ITPR2: variants seen among roughly 807,000 people sequenced by gnomAD.
ITPR2 encodes inositol 1,4,5-trisphosphate-gated calcium channel ITPR2.
Under a neutral mutation model 317.1 loss-of-function variants are expected in ITPR2, and 207 were observed. The ratio of observed to expected loss-of-function variants is 0.65; its 90% CI spans 0.58 to 0.73. The LOEUF is 0.73. ITPR2 is among the 30% of genes least tolerant of loss of function. The probability of loss-of-function intolerance (pLI) is 0.00; values close to 1 mark genes in which losing one functional copy is unlikely to be tolerated. For synonymous variants in ITPR2, 1,156 were observed against 1,149.1 expected (o/e 1.01, Z -0.12); for missense variants, 2,613 against 3,284.0 (o/e 0.80, Z 4.99).
chr12:26,616,102 A>T (rs1214935400), intron 26 of ITPR2, among the ~76,000 whole-genome samples: 2 of 148,736 alleles, frequency 1.3e-5, no homozygotes, highest in Non-Finnish European at 3.0e-5. Context: ...AATTTTGCCT[A>T]TGCATGTGGA....
chr12:26,766,933 C>T (rs946793879), intron 2 of ITPR2, among the ~76,000 whole-genome samples: 9 of 152,214 alleles, frequency 5.9e-5, no homozygotes, highest in African/African-American at 1.4e-4. Context: ...TTAGCTAGTA[C>T]GATGTATATA....
At chr12:26,468,632 T>C (rs7972506) in intron 45 of ITPR2, among the ~76,000 whole-genome samples, 2,648 of 151,528 alleles carry the variant, frequency 0.017, 43 homozygotes, top group Non-Finnish European at 0.026. Flanking sequence ...GCAGAAATTA[T>C]CATTAACTTT....
chr12:26,497,155 C>CTCTTTTTTTTT (rs756035869), intron 37 of ITPR2, among the ~76,000 whole-genome samples: 2 of 134,410 alleles, frequency 1.5e-5, no homozygotes, highest in African/African-American at 5.7e-5. Context: ...ATTTCTCTCT[C>CTCTTTTTTTTT]TTTTTTTTTT....
intron 1 of ITPR2, among the ~76,000 whole-genome samples, chr12:26,796,981 G>A (rs781688592): frequency 2.0e-5 from 3 of 152,116 alleles, no homozygotes; most frequent in Non-Finnish European, 4.4e-5. Flanking sequence ...AGGTTGCAGT[G>A]AGCTGATATC....
At chr12:26,792,858 T>C (rs1950367153) in intron 1 of ITPR2, among the ~76,000 whole-genome samples, 1 of 152,196 alleles carries the variant, frequency 6.6e-6, no homozygotes, top group Admixed American at 6.5e-5. Flanking sequence ...ATGTGGATAT[T>C]TACCAGGAGT....
At chr12:26,702,751 G>A (rs1015477349) in intron 9 of ITPR2, among the ~76,000 whole-genome samples, 14 of 152,070 alleles carry the variant, frequency 9.2e-5, no homozygotes, top group African/African-American at 2.9e-4. Context: ...AAATTAATCC[G>A]AATCCCTAAA....
chr12:26,679,977 G>GA (rs932802723), intron 13 of ITPR2, among the ~76,000 whole-genome samples: 4 of 151,762 alleles, frequency 2.6e-5, no homozygotes, highest in African/African-American at 7.3e-5. Context: ...TACAGAAATG[G>GA]AAAAAACTAC....
chr12:26,826,417 A>G (rs930047665), intron 1 of ITPR2, among the ~76,000 whole-genome samples: 4 of 152,218 alleles, frequency 2.6e-5, no homozygotes, highest in African/African-American at 9.6e-5. Context: ...ACACAGTCTC[A>G]TTCTTCTAAG....
intron 11 of ITPR2, among the ~76,000 whole-genome samples, chr12:26,685,786 C>T (rs534698938): frequency 4.6e-5 from 7 of 152,184 alleles, no homozygotes; most frequent in African/African-American, 1.7e-4. Flanking sequence ...TTTTTCATTT[C>T]GTGTTCCTGC....
At chr12:26,387,260 T>C (rs1458512465) in intron 55 of ITPR2, among the ~76,000 whole-genome samples, 174 bp downstream of exon 55, 1 of 152,208 alleles carries the variant, frequency 6.6e-6, no homozygotes, top group Non-Finnish European at 1.5e-5. Context: ...AGGAGTCTAC[T>C]GGGAACCAAT....
At chr12:26,361,088 G>A (rs753080275) in intron 55 of ITPR2, among the ~76,000 whole-genome samples, 3 of 151,862 alleles carry the variant, frequency 2.0e-5, no homozygotes, top group Admixed American at 6.6e-5. Flanking sequence ...GGTAGCGAGC[G>A]CCTGTAATCC....
intron 11 of ITPR2, among the ~76,000 whole-genome samples, chr12:26,683,612 G>A (rs1490874839): frequency 1.3e-5 from 2 of 152,118 alleles, no homozygotes; most frequent in Admixed American, 1.3e-4. Context: ...ATAGAACAAG[G>A]CTATGTATTC....
chr12:26,370,126 T>G (rs78428279), intron 55 of ITPR2, among the ~76,000 whole-genome samples: 9,905 of 152,296 alleles, frequency 0.065, 459 homozygotes, highest in Non-Finnish European at 0.099. Context: ...TGTGCTCCTG[T>G]GAATTCTGTG....
rs1565624073 is a variant in ITPR2, at chr12:26,589,800, AATAAAT to A, written c.4380+5659_4380+5664del. Among the ~76,000 whole-genome samples, 85 of 41,362 alleles carry A rather than the reference AATAAAT, an allele frequency of 2.1e-3. 14 individuals are homozygous for A. Among genetic ancestry groups the A allele is most frequent in the African/African-American group, 3.5e-3 (52 of 14,976 alleles). The allele number at this position is 41,362 out of a possible 152,430, so 27.1% of individuals were successfully genotyped here. A position where few individuals can be genotyped will look rare whatever the true frequency, so the allele number is the denominator to read the frequency against. On this transcript the variant is annotated intron_variant, in intron 32 of 56. Coordinates refer to ENST00000381340, the MANE Select transcript of ITPR2 (RefSeq NM_002223.4). ...AAACTCTGTTTCAAAAAAAAAAATAAATAAATAAAAAATAAATAAATAAATAAATAA... is the reference window on the plus strand; with the variant it reads ...AAACTCTGTTTCAAAAAAAAAAATAAAAAAAATAAATAAATAAATAAATAA...
At chr12:26,659,070 G>A (rs747626283) in intron 16 of ITPR2, 43 bp downstream of exon 16, 30 of 1,487,460 alleles carry the variant, frequency 2.0e-5, no homozygotes, top group East Asian at 1.1e-4. Context: ...ACATAAAGCC[G>A]CAATCTCCAC....
At chr12:26,343,722 G>C (rs1938212159) in intron 55 of ITPR2, among the ~76,000 whole-genome samples, 1 of 152,106 alleles carries the variant, frequency 6.6e-6, no homozygotes, top group Non-Finnish European at 1.5e-5. Context: ...TGACCAGGAG[G>C]TATTAAAGGA....
intron 45 of ITPR2, among the ~76,000 whole-genome samples, chr12:26,449,063 A>T (rs1251986944): frequency 1.3e-5 from 2 of 152,112 alleles, no homozygotes; most frequent in East Asian, 3.8e-4. Flanking sequence ...CCAAGTAAGG[A>T]TGGAGAAAAA....
intron 48 of ITPR2, among the ~76,000 whole-genome samples, chr12:26,435,582 T>C (rs1485097048): frequency 1.3e-5 from 2 of 152,178 alleles, no homozygotes; most frequent in Non-Finnish European, 2.9e-5. Flanking sequence ...AATCTCACGA[T>C]TCAGTATATT....
chr12:26,739,550 C>T (rs1223581447), intron 2 of ITPR2, among the ~76,000 whole-genome samples: 1 of 152,136 alleles, frequency 6.6e-6, no homozygotes, highest in Non-Finnish European at 1.5e-5. Context: ...AAGCCAGACA[C>T]AAAAGACTAC....
Sources: allele counts gnomAD v4.1 joint callset (sites outside exome capture counted in the v4.1 genomes callset), GRCh38; gene constraint gnomAD v4.1.1; transcripts MANE v1.5; gene names NCBI Gene and HGNC (gene_info 2026-07-23, HGNC 2026-07-21).